IL6ST: variants seen among roughly 807,000 people sequenced by gnomAD.
The protein encoded by IL6ST is interleukin 6 cytokine family signal transducer, also known as interleukin-6 receptor subunit beta.
Under a neutral mutation model 91.3 loss-of-function variants are expected in IL6ST, and 24 were observed. The observed-to-expected ratio is 0.26, with a 90% CI of 0.19 to 0.37. The LOEUF (loss-of-function observed/expected upper bound fraction) is 0.37. Among genes scored for constraint, IL6ST ranks in the 10% least tolerant of loss-of-function variants. IL6ST has a pLI of 1.00. For missense variants in IL6ST, 914 were observed against 1,078.5 expected (o/e 0.85, Z 2.14); for synonymous variants, 351 against 373.6 (o/e 0.94, Z 0.70).
In IL6ST at chr5:55,935,905, A is replaced by G. The variant is rs567458190; in HGVS notation, c.*5177T>C. The G allele has an allele frequency of 1.0e-4, 23 of 219,290 alleles. No homozygotes were observed. The highest frequency in any genetic ancestry group is 4.3e-4 in the African/African-American group (19 of 44,688). The allele number at this position is 219,290 out of a possible 1,614,324, so 13.6% of individuals were successfully genotyped here. ...GACTGTATCTATCATACACATTAGGATAAGATGAGCCACCACACCTTAAAG... is the reference window on the plus strand; with the variant it reads ...GACTGTATCTATCATACACATTAGGGTAAGATGAGCCACCACACCTTAAAG... On this transcript the variant is annotated 3_prime_UTR_variant, in exon 17 of 17. Coordinates refer to ENST00000381298, the MANE Select transcript of IL6ST (RefSeq NM_002184.4).
chr5:55,946,374 G>A (rs1561157751), intron 15 of IL6ST, among the ~76,000 whole-genome samples: 1 of 152,148 alleles, frequency 6.6e-6, no homozygotes, highest in Non-Finnish European at 1.5e-5. Flanking sequence ...CAAGATAAAG[G>A]AAAACATATG....
intron 14 of IL6ST, among the ~76,000 whole-genome samples, chr5:55,949,433 C>G (rs1002767367): frequency 3.9e-5 from 6 of 152,042 alleles, no homozygotes; most frequent in Admixed American, 2.6e-4. Flanking sequence ...TATGACTGCA[C>G]CACTGCACTC....
intron 1 of IL6ST, among the ~76,000 whole-genome samples, chr5:55,986,428 T>C (rs1753974473): frequency 2.6e-5 from 4 of 152,212 alleles, no homozygotes; most frequent in African/African-American, 9.6e-5. Context: ...TGACATATCC[T>C]CTCCCATTCT....
intron 8 of IL6ST, among the ~76,000 whole-genome samples, chr5:55,960,094 C>A (rs1752222229): frequency 6.6e-6 from 1 of 152,098 alleles, no homozygotes; most frequent in African/African-American, 2.4e-5. Flanking sequence ...CCATATTGGC[C>A]AGGCTGGTCT....
chr5:55,962,512 T>TAC (rs901496364), intron 7 of IL6ST, among the ~76,000 whole-genome samples: 4 of 152,226 alleles, frequency 2.6e-5, no homozygotes, highest in Non-Finnish European at 5.9e-5. Context: ...TCCCTTCCTC[T>TAC]ACCTCAGTGG....
At position 55,939,586 on chromosome 5, in the gene IL6ST, A is replaced by G; in HGVS notation, c.*1496T>C. The G allele has an allele frequency of 4.9e-6, 1 of 203,630 alleles. No individual in the cohort carries two copies. 12.6% of individuals were successfully genotyped at this position (203,630 alleles called of 1,614,324 possible). A position where few individuals can be genotyped will look rare whatever the true frequency, so the allele number is the denominator to read the frequency against. The stretch of plus-strand genomic sequence containing the variant: ...CTGGTTTCTGTAACTTAAATATGGC[A>G]TAAAAACCTGTTTCCTTTGAATTCA... On this transcript the variant is annotated 3_prime_UTR_variant, in exon 17 of 17. Transcript: ENST00000381298.
chr5:55,943,381 C>G lies in IL6ST; in HGVS notation c.1938-630G>C, dbSNP rs370494575. ...TAATTAAAAACCTTCCCACAAAACTCTGGGCAAAAGGAAACAATTGTATTA... is the reference window on the plus strand; with the variant it reads ...TAATTAAAAACCTTCCCACAAAACTGTGGGCAAAAGGAAACAATTGTATTA... On this transcript the variant is annotated intron_variant, in intron 15 of 16. Coordinates refer to ENST00000381298, the MANE Select transcript of IL6ST (RefSeq NM_002184.4). 2.2e-4 allele frequency among the ~76,000 whole-genome samples: 33 copies of G among 152,238 alleles called. No homozygotes were observed. In the South Asian group the frequency reaches 6.8e-3, roughly 32 times the overall value.
At chr5:55,963,884 G>A (rs747680805) in intron 6 of IL6ST, among the ~76,000 whole-genome samples, 1 of 152,018 alleles carries the variant, frequency 6.6e-6, no homozygotes, top group Non-Finnish European at 1.5e-5. Flanking sequence ...TTGGATTATG[G>A]ATATTTTTCT....
rs71602925 is a variant in IL6ST, at chr5:55,947,592, TAAAAAAA to T, written c.1841-10_1841-4del. ...TATGGCTTCAATTTCTCCTTGAGCT[TAAAAAAA>T]AAAAAAAAAAAAAAAAAAGAGGTGT... On this transcript the variant is annotated splice_polypyrimidine_tract_variant and splice_region_variant and intron_variant, in intron 14 of 16. Coordinates refer to ENST00000381298, the MANE Select transcript of IL6ST (RefSeq NM_002184.4). 0.014 allele frequency: 5,462 copies of T among 390,936 alleles called. 27 individuals carry two copies. Among genetic ancestry groups the T allele is most frequent in the South Asian group, 0.047 (1,291 of 27,326 alleles). 24.2% of individuals were successfully genotyped at this position (390,936 alleles called of 1,614,324 possible). A position where few individuals can be genotyped will look rare whatever the true frequency, so the allele number is the denominator to read the frequency against.
intron 5 of IL6ST, among the ~76,000 whole-genome samples, chr5:55,967,116 C>G (rs1054071715): frequency 4.6e-5 from 7 of 151,562 alleles, no homozygotes; most frequent in Non-Finnish European, 7.4e-5. Context: ...TCAAGACCAG[C>G]CTGACCAACA....
At chr5:55,953,144 T>C (rs1486040283) in intron 11 of IL6ST, among the ~76,000 whole-genome samples, 1 of 152,240 alleles carries the variant, frequency 6.6e-6, no homozygotes, top group Non-Finnish European at 1.5e-5. Flanking sequence ...TTATACAGTA[T>C]ATTATCTGTA....
At chr5:55,956,304 T>C in intron 9 of IL6ST, 69 bp from the exon 10 acceptor site, 1 of 858,660 alleles carries the variant, frequency 1.2e-6, no homozygotes, top group Non-Finnish European at 1.8e-6. Flanking sequence ...TTTTTCTTCA[T>C]ATTCACAAAT....
At chr5:55,943,970 C>T (rs1433951790) in intron 15 of IL6ST, among the ~76,000 whole-genome samples, 6 of 152,010 alleles carry the variant, frequency 3.9e-5, no homozygotes, top group African/African-American at 1.2e-4. Context: ...CCCAGCTACT[C>T]GGGTGGCTGA....
intron 3 of IL6ST, among the ~76,000 whole-genome samples, chr5:55,974,962 C>T (rs936621747): frequency 2.7e-5 from 4 of 150,690 alleles, no homozygotes; most frequent in Non-Finnish European, 4.4e-5. Context: ...CACATACACA[C>T]ACACACACAC....
intron 8 of IL6ST, among the ~76,000 whole-genome samples, chr5:55,958,858 A>AT (rs1752141139): frequency 6.6e-6 from 1 of 151,044 alleles, no homozygotes; most frequent in African/African-American, 2.4e-5. Flanking sequence ...AAAAAAAAAA[A>AT]TTTAAGTACT....
In IL6ST at chr5:55,939,436, C is replaced by T. The variant is rs1436999168; in HGVS notation, c.*1646G>A. On this transcript the variant is annotated 3_prime_UTR_variant, in exon 17 of 17. Coordinates refer to ENST00000381298, the MANE Select transcript of IL6ST (RefSeq NM_002184.4). ...TAAATGCAAGAATATAAAAGATAAACAGGAAGTCTAATGTGAACAATATTC... is the reference window on the plus strand; with the variant it reads ...TAAATGCAAGAATATAAAAGATAAATAGGAAGTCTAATGTGAACAATATTC... The T allele has an allele frequency of 1.5e-5, 3 of 200,494 alleles. No individual in the cohort carries two copies. The East Asian group carries it at 2.3e-4, about 15-fold the overall frequency. The allele number at this position is 200,494 out of a possible 1,614,324, so 12.4% of individuals were successfully genotyped here. A position where few individuals can be genotyped will look rare whatever the true frequency, so the allele number is the denominator to read the frequency against.
intron 3 of IL6ST, among the ~76,000 whole-genome samples, chr5:55,973,513 C>A (rs546982004): frequency 6.6e-6 from 1 of 152,178 alleles, no homozygotes; most frequent in Non-Finnish European, 1.5e-5. Context: ...AAAGAGGCCA[C>A]GTATGGTGTT....
In IL6ST at chr5:55,940,912, A is replaced by G. The variant is rs1750860933; in HGVS notation, c.*170T>C. On this transcript the variant is annotated 3_prime_UTR_variant, in exon 17 of 17. Coordinates refer to ENST00000381298, the MANE Select transcript of IL6ST (RefSeq NM_002184.4). ...TGTAGTGCTTAAAGTAGAATCCCAGATATTCTGGAATGGAAATAGCTCATG... is the reference window on the plus strand; with the variant it reads ...TGTAGTGCTTAAAGTAGAATCCCAGGTATTCTGGAATGGAAATAGCTCATG... The G allele has an allele frequency of 1.6e-6, 1 of 623,108 alleles. No homozygotes were observed. The highest frequency in any genetic ancestry group is 2.8e-5 in the East Asian group (1 of 35,798). The allele number at this position is 623,108 out of a possible 1,614,324, so 38.6% of individuals were successfully genotyped here.
chr5:55,941,400 C>G lies in IL6ST; in HGVS notation c.2439G>C (p.Gln813His), dbSNP rs4084822. ...GCTGACTGCAGTTCTGTTTGAAGTA[C>G]TGTTGCCTGGGCAAAATACCATCAC... ...DGGDGILPRQ[Q>H]YFKQNCSQHE... The change falls in exon 17 of 17, where the codon CAG becomes CAC. Residue 813 changes from glutamine to histidine, a missense_variant. By Grantham distance (24) the Gln-to-His change is conservative. Coordinates refer to ENST00000381298, the MANE Select transcript of IL6ST (RefSeq NM_002184.4). The G allele has an allele frequency of 6.2e-7, 1 of 1,614,194 alleles. No homozygotes were observed. The highest frequency in any genetic ancestry group is 8.5e-7 in the Non-Finnish European group (1 of 1,180,020).
Sources: gnomAD v4.1 joint callset for allele counts (sites outside exome capture counted in the v4.1 genomes callset) on GRCh38, gnomAD v4.1.1 for gene constraint, MANE v1.5 for transcripts, NCBI Gene and HGNC (gene_info 2026-07-23, HGNC 2026-07-21) for gene names.